Variants in BNC2 observed in about 807,000 individuals in gnomAD.
BNC2 encodes the protein zinc finger protein basonuclin-2.
In BNC2, 20 loss-of-function variants were observed where a neutral mutation model predicts 76.3. The ratio of observed to expected loss-of-function variants is 0.26; its 90% CI spans 0.18 to 0.38. BNC2 has a LOEUF of 0.38. Ranked by LOEUF, BNC2 falls within the 10% of genes least tolerant of loss-of-function variation. The probability of loss-of-function intolerance (pLI) is 1.00; values close to 1 mark genes in which losing one functional copy is unlikely to be tolerated. For synonymous variants in BNC2, 582 were observed against 514.8 expected, an observed-to-expected ratio of 1.13 and a Z score of -1.77; for missense variants, 1,382 against 1,399.8, an observed-to-expected ratio of 0.99 and a Z score of 0.20.
At chr9:16,505,550 A>G (rs111316327) in intron 5 of BNC2, among the ~76,000 whole-genome samples, 167 of 152,302 alleles carry the variant, frequency 1.1e-3, no homozygotes, top group African/African-American at 3.5e-3. Context: ...CTGGAGGGAG[A>G]GAGCCAAATA....
At chr9:16,651,400 C>T (rs1374988702) in intron 3 of BNC2, among the ~76,000 whole-genome samples, 1 of 152,172 alleles carries the variant, frequency 6.6e-6, no homozygotes, top group Non-Finnish European at 1.5e-5. Context: ...CTGACAGATT[C>T]TAAATGCATC....
intron 4 of BNC2, 38 bp downstream of exon 4, chr9:16,582,945 A>G: frequency 2.1e-6 from 3 of 1,425,076 alleles, no homozygotes. Context: ...GAACATGAAC[A>G]TAATAAGAAC....
At chr9:16,459,553 T>C (rs1240552161) in intron 5 of BNC2, among the ~76,000 whole-genome samples, 1 of 152,046 alleles carries the variant, frequency 6.6e-6, no homozygotes, top group Non-Finnish European at 1.5e-5. Flanking sequence ...TCCAAGAACA[T>C]TACAATTCTC....
chr9:16,621,363 G>A (rs1230686171), intron 3 of BNC2, among the ~76,000 whole-genome samples: 2 of 152,176 alleles, frequency 1.3e-5, no homozygotes, highest in Non-Finnish European at 2.9e-5. Context: ...TAATGTGTCT[G>A]TGGTTAGCAA....
intron 3 of BNC2, chr9:16,727,135 G>C (rs1458080830): frequency 6.5e-6 from 1 of 153,228 alleles, no homozygotes; most frequent in Non-Finnish European, 1.5e-5. Context: ...CGGCGGGCGG[G>C]CGGGAGAGCG....
chr9:16,619,027 C>T (rs532332495), intron 3 of BNC2, among the ~76,000 whole-genome samples: 1 of 152,248 alleles, frequency 6.6e-6, no homozygotes, highest in South Asian at 2.1e-4. Context: ...TTATTGAACA[C>T]CTAAGGTATG....
intron 3 of BNC2, among the ~76,000 whole-genome samples, chr9:16,618,596 A>G (rs1820776978): frequency 6.6e-6 from 1 of 152,226 alleles, no homozygotes; most frequent in Non-Finnish European, 1.5e-5. Flanking sequence ...ACCCTAGGAT[A>G]AAAGAATCTA....
Position 16,417,758 on chromosome 9 carries a change from A to G in BNC2, c.*1231T>C, listed in dbSNP as rs1224721567. The G allele has an allele frequency of 6.6e-6, 1 of 152,654 alleles. No individual in the cohort carries two copies. Among genetic ancestry groups the G allele is most frequent in the East Asian group, 1.9e-4 (1 of 5,196 alleles). 9.5% of individuals were successfully genotyped at this position (152,654 alleles called of 1,614,324 possible). A position where few individuals can be genotyped will look rare whatever the true frequency, so the allele number is the denominator to read the frequency against. ...AATTTGGGCTTTTGTATCCTGAAAT[A>G]TTATCCTGCCTCTGAAGAATAAATG... On this transcript the variant is annotated 3_prime_UTR_variant, in exon 7 of 7. Coordinates refer to ENST00000380672, the MANE Select transcript of BNC2 (RefSeq NM_017637.6).
intron 5 of BNC2, 42 bp downstream of exon 5, chr9:16,552,488 A>G (rs1457367472): frequency 6.4e-7 from 1 of 1,567,016 alleles, no homozygotes; most frequent in Non-Finnish European, 8.8e-7. Flanking sequence ...CCCCACCCAC[A>G]GTCGGCCCCG....
chr9:16,455,149 G>T (rs1406672850), intron 5 of BNC2, among the ~76,000 whole-genome samples: 1 of 152,172 alleles, frequency 6.6e-6, no homozygotes, highest in South Asian at 2.1e-4. Context: ...GGCAAAAACT[G>T]AACTGCCCAA....
chr9:16,773,498 A>C (rs1825882110), intron 1 of BNC2, among the ~76,000 whole-genome samples: 2 of 142,288 alleles, frequency 1.4e-5, no homozygotes, highest in African/African-American at 5.1e-5. Context: ...AGAGGACTAC[A>C]CGTCATGCAA....
intron 5 of BNC2, among the ~76,000 whole-genome samples, chr9:16,478,346 T>C (rs1441210743): frequency 6.6e-6 from 1 of 152,142 alleles, no homozygotes; most frequent in East Asian, 1.9e-4. Context: ...AATTGCTCAA[T>C]GCTCCTCATA....
intron 1 of BNC2, chr9:16,832,401 T>C: frequency 2.5e-6 from 2 of 805,924 alleles, no homozygotes; most frequent in Non-Finnish European, 3.3e-6. Flanking sequence ...TTTAGAGGCC[T>C]AGAAGAGTTC....
intron 1 of BNC2, among the ~76,000 whole-genome samples, chr9:16,742,661 T>A (rs1824884693): frequency 6.6e-6 from 1 of 152,208 alleles, no homozygotes; most frequent in Non-Finnish European, 1.5e-5. Flanking sequence ...CAAAATGAGA[T>A]TGATCTTTGA....
chr9:16,742,383 C>G (rs369099904), intron 1 of BNC2, among the ~76,000 whole-genome samples: 4 of 152,350 alleles, frequency 2.6e-5, no homozygotes, highest in Admixed American at 1.3e-4. Context: ...CAAAGTCACA[C>G]CAGCTTTCTG....
In BNC2 at chr9:16,437,003, G is replaced by A. The variant is rs777730054; in HGVS notation, c.1191C>T (p.Thr397=). ...LTSITNVEPK[T]EPACVSPIQN... ...GAATGGGAGAGACACAGGCTGGCTCGGTTTTGGGCTCCACATTAGTAATGC... is the reference window on the plus strand; with the variant it reads ...GAATGGGAGAGACACAGGCTGGCTCAGTTTTGGGCTCCACATTAGTAATGC... Residue 397 remains threonine, a synonymous_variant, in exon 6 of 7, where the codon ACC becomes ACT. Coordinates refer to ENST00000380672, the MANE Select transcript of BNC2 (RefSeq NM_017637.6). 28 of 1,614,064 alleles carry A rather than the reference G, an allele frequency of 1.7e-5. No homozygotes were observed. Among genetic ancestry groups the A allele is most frequent in the South Asian group, 1.5e-4 (14 of 91,076 alleles).
At chr9:16,515,128 T>C (rs1822847752) in intron 5 of BNC2, among the ~76,000 whole-genome samples, 2 of 152,136 alleles carry the variant, frequency 1.3e-5, no homozygotes, top group Non-Finnish European at 2.9e-5. Flanking sequence ...ATATTGCAAG[T>C]GGAAGCAACA....
chr9:16,664,541 A>G (rs1348408076), intron 3 of BNC2, among the ~76,000 whole-genome samples: 1 of 152,162 alleles, frequency 6.6e-6, no homozygotes, highest in East Asian at 1.9e-4. Context: ...CCTTGTAGGA[A>G]GCAACTACAA....
At chr9:16,723,488 TACTC>T (rs1824225621) in intron 3 of BNC2, among the ~76,000 whole-genome samples, 1 of 84,182 alleles carries the variant, frequency 1.2e-5, no homozygotes, top group Non-Finnish European at 2.5e-5. Flanking sequence ...AGTGAATAAA[TACTC>T]AAAAAAATTG....
Sources: allele counts gnomAD v4.1 joint callset (sites outside exome capture counted in the v4.1 genomes callset), GRCh38; gene constraint gnomAD v4.1.1; transcripts MANE v1.5; gene names NCBI Gene and HGNC (gene_info 2026-07-23, HGNC 2026-07-21).